KCNIP4: variants seen among roughly 807,000 people sequenced by gnomAD.
KCNIP4 encodes the protein potassium voltage-gated channel interacting protein 4, also known as Kv channel-interacting protein 4.
In KCNIP4, 12 loss-of-function variants were observed where a neutral mutation model predicts 34.0. The observed-to-expected ratio is 0.35, with a 90% confidence interval of 0.23 to 0.57. KCNIP4 has a LOEUF of 0.57. Among genes scored for constraint, KCNIP4 ranks in the 20% least tolerant of loss-of-function variants. The pLI, the probability that KCNIP4 is intolerant of heterozygous loss-of-function variation, is 0.83. For synonymous variants in KCNIP4, 124 were observed against 102.2 expected, an observed-to-expected ratio of 1.21 and a Z score of -1.29; for missense variants, 238 against 311.7, an observed-to-expected ratio of 0.76 and a Z score of 1.78.
At chr4:21,657,471 A>G (rs1329166383) in intron 1 of KCNIP4, among the ~76,000 whole-genome samples, 1 of 152,212 alleles carries the variant, frequency 6.6e-6, no homozygotes, top group Non-Finnish European at 1.5e-5. Context: ...TAGGCTGTAG[A>G]GTTGATGTGA....
At chr4:21,599,529 TGG>T (rs1742931077) in intron 1 of KCNIP4, among the ~76,000 whole-genome samples, 1 of 152,010 alleles carries the variant, frequency 6.6e-6, no homozygotes, top group Non-Finnish European at 1.5e-5. Context: ...GTACCATAAA[TGG>T]ATTGACTTTT....
At chr4:20,988,509 G>A (rs1183352097) in intron 1 of KCNIP4, among the ~76,000 whole-genome samples, 3 of 152,088 alleles carry the variant, frequency 2.0e-5, no homozygotes, top group African/African-American at 7.2e-5. Context: ...TTCACCACGT[G>A]ATAGTCTCGG....
chr4:21,193,206 G>A (rs1755806695), intron 1 of KCNIP4, among the ~76,000 whole-genome samples: 1 of 152,034 alleles, frequency 6.6e-6, no homozygotes, highest in Non-Finnish European at 1.5e-5. Flanking sequence ...CAAAATGGCT[G>A]CAATTATTCT....
intron 1 of KCNIP4, among the ~76,000 whole-genome samples, chr4:21,205,571 G>T (rs1756793668): frequency 1.3e-5 from 2 of 152,152 alleles, no homozygotes; most frequent in South Asian, 4.1e-4. Flanking sequence ...TGTATGTGTT[G>T]GGTTTACGCC....
intron 1 of KCNIP4, among the ~76,000 whole-genome samples, chr4:21,177,674 C>CAAAT (rs763273199): frequency 2.0e-5 from 3 of 147,000 alleles, no homozygotes; most frequent in Admixed American, 6.8e-5. Flanking sequence ...TACTAAAAAA[C>CAAAT]AAACAAACAA....
At chr4:20,990,401 G>A (rs908599698) in intron 1 of KCNIP4, among the ~76,000 whole-genome samples, 1 of 152,138 alleles carries the variant, frequency 6.6e-6, no homozygotes, top group Non-Finnish European at 1.5e-5. Context: ...ATATGTATAT[G>A]GATGTCCATT....
At chr4:20,896,821 G>A (rs1429357340) in intron 1 of KCNIP4, among the ~76,000 whole-genome samples, 4 of 152,158 alleles carry the variant, frequency 2.6e-5, no homozygotes, top group African/African-American at 9.7e-5. Flanking sequence ...ATAAAATTAA[G>A]CCATGTCCAT....
chr4:21,399,866 G>T (rs147144013), intron 1 of KCNIP4, among the ~76,000 whole-genome samples: 1 of 152,126 alleles, frequency 6.6e-6, no homozygotes, highest in African/African-American at 2.4e-5. Context: ...ATTTCTAGAC[G>T]TGGAGCAGGG....
chr4:21,623,118 G>T (rs2109182132), intron 1 of KCNIP4, among the ~76,000 whole-genome samples: 1 of 152,220 alleles, frequency 6.6e-6, no homozygotes, highest in Admixed American at 6.5e-5. Context: ...TTTTCCATCG[G>T]CTTAATTTGA....
At chr4:21,821,034 T>C (rs1463325883) in intron 1 of KCNIP4, among the ~76,000 whole-genome samples, 1 of 152,180 alleles carries the variant, frequency 6.6e-6, no homozygotes, top group African/African-American at 2.4e-5. Context: ...ATGTACCTTG[T>C]TGCTATTTGA....
chr4:21,552,646 T>C (rs1023233762), intron 1 of KCNIP4, among the ~76,000 whole-genome samples: 2 of 152,112 alleles, frequency 1.3e-5, no homozygotes, highest in South Asian at 2.1e-4. Context: ...TAAAGCGGGA[T>C]AGAGGTTGAG....
At chr4:21,506,954 T>C (rs980674769) in intron 1 of KCNIP4, among the ~76,000 whole-genome samples, 1 of 151,624 alleles carries the variant, frequency 6.6e-6, no homozygotes, top group Non-Finnish European at 1.5e-5. Context: ...ACCACATCCG[T>C]CTTTTTTTGT....
At chr4:21,844,277 T>C (rs901676599) in intron 1 of KCNIP4, 9 of 151,996 alleles carry the variant, frequency 5.9e-5, no homozygotes, top group Non-Finnish European at 1.0e-4. Flanking sequence ...CATGGAAAAA[T>C]TGATTATCAT....
At chr4:21,131,406 G>C (rs930316431) in intron 1 of KCNIP4, among the ~76,000 whole-genome samples, 2 of 152,122 alleles carry the variant, frequency 1.3e-5, no homozygotes, top group African/African-American at 2.4e-5. Context: ...TCAGGAAATC[G>C]AGACCATCCT....
At chr4:21,510,078 CA>C (rs759477091) in intron 1 of KCNIP4, among the ~76,000 whole-genome samples, 15,423 of 65,254 alleles carry the variant, frequency 0.24, 444 homozygotes, top group Non-Finnish European at 0.27. Context: ...ACTCCATCTC[CA>C]AAAAAAAAAA....
At chr4:21,041,049 C>A (rs1256289106) in intron 1 of KCNIP4, among the ~76,000 whole-genome samples, 1 of 151,854 alleles carries the variant, frequency 6.6e-6, no homozygotes, top group Admixed American at 6.6e-5. Context: ...TAGCCTTTAA[C>A]CCCCAACATC....
intron 1 of KCNIP4, among the ~76,000 whole-genome samples, chr4:21,430,038 G>C (rs1200387882): frequency 6.6e-6 from 1 of 151,972 alleles, no homozygotes; most frequent in East Asian, 1.9e-4. Context: ...GATATACTTT[G>C]GTACCAATGA....
At chr4:21,455,552 A>T (rs1357790326) in intron 1 of KCNIP4, among the ~76,000 whole-genome samples, 1 of 151,380 alleles carries the variant, frequency 6.6e-6, no homozygotes, top group African/African-American at 2.4e-5. Context: ...AAATAGATAG[A>T]TATGTAGTTT....
At chr4:20,776,777 C>T (rs963704147) in intron 3 of KCNIP4, among the ~76,000 whole-genome samples, 2 of 152,040 alleles carry the variant, frequency 1.3e-5, no homozygotes, top group African/African-American at 4.8e-5. Flanking sequence ...CTCATCAGTT[C>T]AGAATCAACA....
Sources: allele counts gnomAD v4.1 joint callset (sites outside exome capture counted in the v4.1 genomes callset), GRCh38; gene constraint gnomAD v4.1.1; transcripts MANE v1.5; gene names NCBI Gene and HGNC (gene_info 2026-07-23, HGNC 2026-07-21).